Variants in R3HDM1 observed in about 807,000 individuals in gnomAD.
R3HDM1 encodes R3H domain containing 1.
Under a neutral mutation model 141.1 loss-of-function variants are expected in R3HDM1, and 46 were observed. That is an observed-to-expected ratio of 0.33 (90% confidence interval 0.26 to 0.42). The LOEUF (loss-of-function observed/expected upper bound fraction) is 0.42, where lower values mean the gene tolerates loss of function less well. R3HDM1 is among the 10% of genes least tolerant of loss of function. The pLI, the probability that R3HDM1 is intolerant of heterozygous loss-of-function variation, is 1.00. For synonymous variants in R3HDM1, 435 were observed against 472.9 expected, an observed-to-expected ratio of 0.92 and a Z score of 1.04; for missense variants, 1,184 against 1,368.3, an observed-to-expected ratio of 0.87 and a Z score of 2.12.
intron 19 of R3HDM1, among the ~76,000 whole-genome samples, chr2:135,661,730 C>T (rs1017258285): frequency 3.9e-5 from 6 of 152,072 alleles, no homozygotes; most frequent in Non-Finnish European, 7.4e-5. Flanking sequence ...AGAGGCAAGG[C>T]GAGGCAAGGT....
intron 18 of R3HDM1, among the ~76,000 whole-genome samples, chr2:135,659,723 C>T (rs895901138): frequency 2.0e-5 from 3 of 152,202 alleles, no homozygotes; most frequent in African/African-American, 7.2e-5. Context: ...CAGGCGTCAG[C>T]TGCCATACCC....
chr2:135,722,488 A>C lies in R3HDM1; in HGVS notation c.2984A>C (p.His995Pro). 1 of 1,613,930 alleles carries C rather than the reference A, an allele frequency of 6.2e-7. No individual in the cohort carries two copies. The highest frequency in any genetic ancestry group is 8.5e-7 in the Non-Finnish European group (1 of 1,180,022). Reference protein sequence around the residue: ...PNQQGQPGSRHGNRGRRQAKK... With the variant: ...PNQQGQPGSRPGNRGRRQAKK... Reference sequence around the variant, plus strand: ...TTTCAGGGTCAGCCTGGCAGCAGGCATGGAAACCGAGGAAGGAGACAAGCT... The same window carrying C: ...TTTCAGGGTCAGCCTGGCAGCAGGCCTGGAAACCGAGGAAGGAGACAAGCT... The change falls in exon 26 of 27, where the codon CAT becomes CCT. Residue 995 changes from histidine (H) to proline (P), a missense_variant. Physicochemically the swap from His to Pro is moderately conservative, Grantham distance 77. Coordinates refer to ENST00000683871, the MANE Select transcript of R3HDM1 (RefSeq NM_001378107.1).
At chr2:135,650,348 A>G in intron 17 of R3HDM1, 1 of 985,126 alleles carries the variant, frequency 1.0e-6, no homozygotes, top group Non-Finnish European at 1.2e-6. Flanking sequence ...GGGTTTAGGC[A>G]TTCTATTTTC....
chr2:135,537,763 TCTC>T (rs1326523938), intron 1 of R3HDM1, among the ~76,000 whole-genome samples: 1 of 151,640 alleles, frequency 6.6e-6, no homozygotes, highest in Non-Finnish European at 1.5e-5. Flanking sequence ...CTCAAGCAAT[TCTC>T]CTGCCTTAGC....
At chr2:135,666,933 A>G (rs773512051) in intron 19 of R3HDM1, 9 of 270,448 alleles carry the variant, frequency 3.3e-5, no homozygotes, top group Admixed American at 6.5e-5. Context: ...AAAAAAAAAA[A>G]AAAGAAAACT....
chr2:135,532,255 A>G (rs753694253), intron 1 of R3HDM1, among the ~76,000 whole-genome samples: 9 of 152,358 alleles, frequency 5.9e-5, no homozygotes, highest in Middle Eastern at 3.4e-3. Flanking sequence ...TTAAAAAGAA[A>G]GTTGAATGAC....
rs34713048 is a variant in R3HDM1, at chr2:135,712,428, A to ATT, written c.2736+2220_2736+2221dup. On this transcript the variant is annotated intron_variant, in intron 23 of 26. Coordinates refer to ENST00000683871, the MANE Select transcript of R3HDM1 (RefSeq NM_001378107.1). ...GCATGCACACCACCATGCCCAACTA[A>ATT]TTTTTTTTTTTTTTTTTTTTTTTTA... Among the ~76,000 whole-genome samples the ATT allele has an allele frequency of 6.3e-3, 660 of 103,952 alleles. 18 individuals are homozygous for ATT. The highest frequency in any genetic ancestry group is 0.021 in the African/African-American group (560 of 26,724). 68.2% of individuals were successfully genotyped at this position (103,952 alleles called of 152,430 possible). A position where few individuals can be genotyped will look rare whatever the true frequency, so the allele number is the denominator to read the frequency against.
intron 21 of R3HDM1, 141 bp downstream of exon 21, chr2:135,680,465 A>G (rs2070076108): frequency 2.1e-6 from 2 of 968,876 alleles, no homozygotes; most frequent in Non-Finnish European, 3.0e-6. Context: ...ATAATACAGT[A>G]TACTTTTTAA....
At chr2:135,640,292 A>G (rs1343327584) in intron 14 of R3HDM1, among the ~76,000 whole-genome samples, 1 of 152,192 alleles carries the variant, frequency 6.6e-6, no homozygotes, top group Non-Finnish European at 1.5e-5. Context: ...TGTATTGAAA[A>G]TATCTTAGTA....
At chr2:135,566,187 C>T (rs1573875006) in intron 1 of R3HDM1, among the ~76,000 whole-genome samples, 1 of 152,070 alleles carries the variant, frequency 6.6e-6, no homozygotes, top group East Asian at 1.9e-4. Flanking sequence ...CTTATTTTAT[C>T]TGATTGTCTA....
intron 8 of R3HDM1, 31 bp from the exon 9 acceptor site, chr2:135,631,830 C>A: frequency 6.3e-7 from 1 of 1,595,568 alleles, no homozygotes; most frequent in Non-Finnish European, 8.5e-7. Context: ...TTCTCCTTGA[C>A]TTACTAAGTT....
rs747221878 is a variant in R3HDM1 at position 135,604,790 on chromosome 2, AT to A, written c.-40-7del. On this transcript the variant is annotated splice_polypyrimidine_tract_variant and intron_variant, in intron 2 of 26. Transcript: ENST00000683871. ...TGTAAAAAAGTTTCAAACTGTATTA[AT>A]TTTTTTTTCTTAAGGCTTCAAGCTC... The A allele has an allele frequency of 3.8e-5, 59 of 1,546,046 alleles. No individual in the cohort carries two copies. Among genetic ancestry groups the A allele is most frequent in the Non-Finnish European group, 4.1e-5 (46 of 1,126,318 alleles).
chr2:135,583,651 C>A (rs1175496256), intron 1 of R3HDM1: 15 of 812,896 alleles, frequency 1.8e-5, no homozygotes, highest in Non-Finnish European at 2.1e-5. Context: ...AAAATTGTTA[C>A]CCTAAGATGG....
At chr2:135,643,435 A>G (rs1206939706) in intron 15 of R3HDM1, among the ~76,000 whole-genome samples, 2 of 151,644 alleles carry the variant, frequency 1.3e-5, no homozygotes, top group African/African-American at 4.8e-5. Context: ...AAAAATGGAA[A>G]GGGATTTACT....
chr2:135,598,507 C>A (rs1306659259), intron 1 of R3HDM1, among the ~76,000 whole-genome samples: 1 of 152,164 alleles, frequency 6.6e-6, no homozygotes. Flanking sequence ...CTTCTTGGTA[C>A]CTACAGATGA....
Position 135,645,541 on chromosome 2 carries a change from T to G in R3HDM1, c.1623+14T>G. 6.2e-7 allele frequency: 1 copy of G among 1,612,032 alleles called. No homozygotes were observed. Among genetic ancestry groups the G allele is most frequent in the Non-Finnish European group, 8.5e-7 (1 of 1,178,972 alleles). Reference sequence around the variant, plus strand: ...ATTTTCTCACAGGTGCACATATCCATGATTACATAATGCTAAGTTGACTTG... The same window carrying G: ...ATTTTCTCACAGGTGCACATATCCAGGATTACATAATGCTAAGTTGACTTG... On this transcript the variant is annotated intron_variant, in intron 16 of 26. Coordinates refer to ENST00000683871, the MANE Select transcript of R3HDM1 (RefSeq NM_001378107.1).
intron 18 of R3HDM1, 64 bp from the exon 19 acceptor site, chr2:135,661,206 C>A: frequency 6.4e-7 from 1 of 1,573,414 alleles, no homozygotes; most frequent in Non-Finnish European, 8.7e-7. Context: ...TCTGATCTTC[C>A]TCACAGAAAA....
In R3HDM1 at chr2:135,680,289, T is replaced by C. The variant is rs757416757; in HGVS notation, c.2424T>C (p.Tyr808=). The part of the protein sequence containing the change: ...SMPTTGMPVY[Y]SVIPPGQQNN... ...CCACAACAGGAATGCCTGTTTACTA[T>C]AGTGTCATTCCACCTGGTCAACAAA... The change falls in exon 21 of 27, where the codon TAT becomes TAC. Residue 808 remains tyrosine (Y), a synonymous_variant. Transcript: ENST00000683871. 10 of 1,614,006 alleles carry C rather than the reference T, an allele frequency of 6.2e-6. No homozygotes were observed. The highest frequency in any genetic ancestry group is 7.6e-6 in the Non-Finnish European group (9 of 1,179,894).
At chr2:135,700,745 A>G (rs1253715170) in intron 21 of R3HDM1, among the ~76,000 whole-genome samples, 1 of 152,240 alleles carries the variant, frequency 6.6e-6, no homozygotes, top group Non-Finnish European at 1.5e-5. Flanking sequence ...ACAAAAACAT[A>G]AAGAGAAAAG....
Sources: allele counts gnomAD v4.1 joint callset (sites outside exome capture counted in the v4.1 genomes callset), GRCh38; gene constraint gnomAD v4.1.1; transcripts MANE v1.5; gene names NCBI Gene and HGNC (gene_info 2026-07-23, HGNC 2026-07-21).